AMBRA1: variants seen among roughly 807,000 people sequenced by gnomAD.
AMBRA1 encodes the protein activating molecule in BECN1-regulated autophagy protein 1.
Under a neutral mutation model 125.4 loss-of-function variants are expected in AMBRA1, and 47 were observed. That is an observed-to-expected ratio of 0.37 (90% CI 0.30 to 0.48). The LOEUF (loss-of-function observed/expected upper bound fraction) is 0.48. Ranked by LOEUF, AMBRA1 falls within the 20% of genes least tolerant of loss-of-function variation. The pLI is 0.99. For synonymous variants in AMBRA1, 626 were observed against 655.5 expected, an observed-to-expected ratio of 0.95 and a Z score of 0.69; for missense variants, 1,331 against 1,693.4, an observed-to-expected ratio of 0.79 and a Z score of 3.76.
At chr11:46,586,501 G>C (rs973820967) in intron 1 of AMBRA1, among the ~76,000 whole-genome samples, 1 of 151,902 alleles carries the variant, frequency 6.6e-6, no homozygotes, top group African/African-American at 2.4e-5. Flanking sequence ...TATTTTGAAG[G>C]GTACTGTGGG....
chr11:46,471,339 G>A (rs1297454148), intron 11 of AMBRA1, among the ~76,000 whole-genome samples: 2 of 152,072 alleles, frequency 1.3e-5, no homozygotes, highest in African/African-American at 2.4e-5. Flanking sequence ...AGCACTTTGG[G>A]AGGCCGAGGC....
At chr11:46,419,211 C>T (rs1411107368) in intron 14 of AMBRA1, among the ~76,000 whole-genome samples, 2 of 152,072 alleles carry the variant, frequency 1.3e-5, no homozygotes, top group African/African-American at 2.4e-5. Context: ...ATTTTCTGAG[C>T]GGCATATTTT....
chr11:46,578,285 G>C (rs535069039), intron 1 of AMBRA1, among the ~76,000 whole-genome samples: 1 of 151,786 alleles, frequency 6.6e-6, no homozygotes, highest in African/African-American at 2.4e-5. Flanking sequence ...TCAGGAGTTC[G>C]AGACCAGCTG....
chr11:46,412,366 C>A (rs1439943062), intron 15 of AMBRA1, among the ~76,000 whole-genome samples: 2 of 152,190 alleles, frequency 1.3e-5, no homozygotes, highest in Non-Finnish European at 2.9e-5. Context: ...TCACTACAGC[C>A]CTGACTTCCC....
chr11:46,580,044 A>G (rs559936590), intron 1 of AMBRA1, among the ~76,000 whole-genome samples: 3 of 152,246 alleles, frequency 2.0e-5, no homozygotes, highest in Non-Finnish European at 2.9e-5. Flanking sequence ...TACACAGACC[A>G]TCTCCACTTC....
At chr11:46,426,891 A>AC (rs1947164142) in intron 14 of AMBRA1, among the ~76,000 whole-genome samples, 1 of 152,144 alleles carries the variant, frequency 6.6e-6, no homozygotes. Flanking sequence ...AAGAAATAGT[A>AC]CCCTTCCAGG....
In AMBRA1 at chr11:46,550,031, C is replaced by G. The variant is rs1405308188; in HGVS notation, c.-120-1531G>C. On this transcript the variant is annotated intron_variant, in intron 1 of 17. Coordinates refer to ENST00000683756, the MANE Select transcript of AMBRA1 (RefSeq NM_001387011.1). ...ACCAGGTTTTGCCATGTTGGCCAGG[C>G]TGGTCTTGAACTCCTGACCTCAGGT... Among the ~76,000 whole-genome samples the G allele has an allele frequency of 2.0e-5, 3 of 152,290 alleles. No individual in the cohort carries two copies. The East Asian group carries it at 5.8e-4, about 29-fold the overall frequency.
At chr11:46,432,848 C>T (rs1246438423) in intron 14 of AMBRA1, among the ~76,000 whole-genome samples, 1 of 152,220 alleles carries the variant, frequency 6.6e-6, no homozygotes, top group African/African-American at 2.4e-5. Context: ...AAATGAGCAC[C>T]TATGGGACGT....
intron 9 of AMBRA1, among the ~76,000 whole-genome samples, chr11:46,501,241 T>TC (rs1950826052): frequency 6.6e-6 from 1 of 152,356 alleles, no homozygotes. Context: ...TTTGCACACT[T>TC]CCCCATGTCT....
chr11:46,434,758 T>C, intron 13 of AMBRA1, 91 bp downstream of exon 13: 3 of 1,351,300 alleles, frequency 2.2e-6, no homozygotes, highest in Non-Finnish European at 2.0e-6. Flanking sequence ...TATGTGACCA[T>C]TACTCCCACC....
intron 1 of AMBRA1, among the ~76,000 whole-genome samples, chr11:46,571,687 CTTT>C (rs543760300): frequency 1.1e-4 from 14 of 123,878 alleles, no homozygotes; most frequent in Admixed American, 2.6e-4. Context: ...ATCAATCAAT[CTTT>C]TTTTTTTTTT....
intron 11 of AMBRA1, among the ~76,000 whole-genome samples, chr11:46,450,458 G>A (rs1309932374): frequency 2.0e-5 from 3 of 150,226 alleles, no homozygotes; most frequent in Non-Finnish European, 4.4e-5. Context: ...TTCTTTTCTT[G>A]AGAGAGGGTC....
intron 15 of AMBRA1, among the ~76,000 whole-genome samples, chr11:46,415,420 C>T (rs1946493606): frequency 1.3e-5 from 2 of 152,140 alleles, no homozygotes; most frequent in African/African-American, 4.8e-5. Context: ...ACATTGCTTT[C>T]GTCAGAATTT....
chr11:46,438,242 T>C (rs1017246704), intron 12 of AMBRA1, among the ~76,000 whole-genome samples: 2 of 152,118 alleles, frequency 1.3e-5, no homozygotes, highest in Admixed American at 1.3e-4. Flanking sequence ...AGGGGGCAGC[T>C]CCGGAGGGAG....
Position 46,542,093 on chromosome 11 carries a change from CCTGCGGACTAG to C in AMBRA1, c.1913_1923del (p.Ala638GlyfsTer10). 6.2e-7 allele frequency: 1 copy of C among 1,613,958 alleles called. No individual in the cohort carries two copies. Among genetic ancestry groups the C allele is most frequent in the Non-Finnish European group, 8.5e-7 (1 of 1,179,944 alleles). On this transcript the variant is annotated frameshift_variant, in exon 7 of 18. Coordinates refer to ENST00000683756, the MANE Select transcript of AMBRA1 (RefSeq NM_001387011.1). LOFTEE classifies it high-confidence loss of function. The surrounding 1 kb of genome is among the most constrained non-coding windows in gnomAD (Gnocchi z 5.9). ...AAGGCCACCCCCACAGTCCTCTCCTCCTGCGGACTAGCAGAGCTGCTCAACTCCAGCCTGCT... is the reference window on the plus strand; with the variant it reads ...AAGGCCACCCCCACAGTCCTCTCCTCCAGAGCTGCTCAACTCCAGCCTGCT...
At chr11:46,425,691 T>C (rs1248476365) in intron 14 of AMBRA1, among the ~76,000 whole-genome samples, 1 of 150,834 alleles carries the variant, frequency 6.6e-6, no homozygotes, top group Non-Finnish European at 1.5e-5. Context: ...AATACAGAAA[T>C]TAGCCGGGGT....
intron 9 of AMBRA1, among the ~76,000 whole-genome samples, chr11:46,506,063 T>C (rs915529186): frequency 1.3e-5 from 2 of 152,220 alleles, no homozygotes; most frequent in African/African-American, 4.8e-5. Context: ...ACTGCTTCCC[T>C]GAATAGACCC....
At chr11:46,494,926 G>A (rs1311960487) in intron 9 of AMBRA1, 1 of 152,204 alleles carries the variant, frequency 6.6e-6, no homozygotes, top group East Asian at 1.9e-4. Context: ...TTATTGATAT[G>A]TTATCCCATT....
chr11:46,422,670 C>T (rs1277126587), intron 14 of AMBRA1, among the ~76,000 whole-genome samples: 1 of 151,954 alleles, frequency 6.6e-6, no homozygotes, highest in African/African-American at 2.4e-5. Context: ...ACAAGATGGT[C>T]GTATTTTTTT....
Sources: gnomAD v4.1 joint callset for allele counts (sites outside exome capture counted in the v4.1 genomes callset) on GRCh38, gnomAD v4.1.1 for gene constraint, Gnocchi (gnomAD v3.1) non-coding constraint, MANE v1.5 for transcripts, NCBI Gene and HGNC (gene_info 2026-07-23, HGNC 2026-07-21) for gene names.